NRXN3: variants seen among roughly 807,000 people sequenced by gnomAD.
NRXN3 encodes neurexin 3.
Under a neutral mutation model 137.6 loss-of-function variants are expected in NRXN3, and 32 were observed. That is an observed-to-expected ratio of 0.23 (90% CI 0.18 to 0.31). The LOEUF is 0.31. Ranked by LOEUF, NRXN3 falls within the 10% of genes least tolerant of loss-of-function variation. The probability of loss-of-function intolerance (pLI) is 1.00; values close to 1 mark genes in which losing one functional copy is unlikely to be tolerated. For synonymous variants in NRXN3, 798 were observed against 784.5 expected (o/e 1.02, Z -0.29); for missense variants, 1,574 against 2,062.5 (o/e 0.76, Z 4.59).
chr14:79,817,960 A>T (rs752032467), intron 20 of NRXN3, among the ~76,000 whole-genome samples: 1 of 151,706 alleles, frequency 6.6e-6, no homozygotes, highest in African/African-American at 2.4e-5. Flanking sequence ...ATAAGGAGGA[A>T]TGACTCCAAT....
intron 20 of NRXN3, 58 bp downstream of exon 20, chr14:79,805,248 C>A: frequency 2.5e-6 from 3 of 1,219,848 alleles, no homozygotes; most frequent in Non-Finnish European, 3.6e-6. Context: ...AAAAACAATA[C>A]ATACATATAT....
chr14:78,869,799 A>G (rs894113021), intron 10 of NRXN3, among the ~76,000 whole-genome samples: 9 of 152,184 alleles, frequency 5.9e-5, no homozygotes, highest in Non-Finnish European at 1.2e-4. Flanking sequence ...ACAATTGTTA[A>G]AGCATGGTAG....
At chr14:79,551,038 T>A (rs545332506) in intron 16 of NRXN3, among the ~76,000 whole-genome samples, 1 of 152,298 alleles carries the variant, frequency 6.6e-6, no homozygotes, top group Non-Finnish European at 1.5e-5. Context: ...GCTAAGGCAT[T>A]TATCAACTGG....
At chr14:78,451,493 G>A (rs894850774) in intron 4 of NRXN3, among the ~76,000 whole-genome samples, 3 of 152,178 alleles carry the variant, frequency 2.0e-5, no homozygotes, top group African/African-American at 7.2e-5. Flanking sequence ...GAAATTAAAA[G>A]CAAAAGCAAT....
intron 15 of NRXN3, among the ~76,000 whole-genome samples, chr14:79,382,880 C>G (rs1599489863): frequency 1.3e-5 from 2 of 151,570 alleles, no homozygotes; most frequent in South Asian, 4.2e-4. Context: ...TTTGACTTCC[C>G]TAATAGTTAA....
chr14:79,120,007 T>C (rs2055130446), intron 15 of NRXN3, among the ~76,000 whole-genome samples: 1 of 152,168 alleles, frequency 6.6e-6, no homozygotes, highest in African/African-American at 2.4e-5. Flanking sequence ...TAATATTCTG[T>C]ATATTAACTT....
chr14:78,936,450 T>G (rs1280886306), intron 10 of NRXN3, among the ~76,000 whole-genome samples: 1 of 152,200 alleles, frequency 6.6e-6, no homozygotes, highest in African/African-American at 2.4e-5. Flanking sequence ...ACATATTGTA[T>G]GGTTACATTT....
intron 4 of NRXN3, among the ~76,000 whole-genome samples, chr14:78,531,953 AGTT>A (rs2096467136): frequency 6.6e-6 from 1 of 152,082 alleles, no homozygotes; most frequent in African/African-American, 2.4e-5. Flanking sequence ...AAATATCACC[AGTT>A]TTTTATTTTT....
chr14:78,524,187 A>T (rs2096338138), intron 4 of NRXN3, among the ~76,000 whole-genome samples: 1 of 152,076 alleles, frequency 6.6e-6, no homozygotes, highest in Non-Finnish European at 1.5e-5. Flanking sequence ...CAGAAATCTT[A>T]GTGTATGTTT....
chr14:79,463,223 A>G (rs2096375988), intron 15 of NRXN3, among the ~76,000 whole-genome samples: 1 of 152,212 alleles, frequency 6.6e-6, no homozygotes, highest in Non-Finnish European at 1.5e-5. Context: ...AAAAAATTAT[A>G]TTCCTCATTC....
intron 4 of NRXN3, among the ~76,000 whole-genome samples, chr14:78,302,938 G>A (rs776891750): frequency 2.6e-5 from 4 of 152,120 alleles, no homozygotes; most frequent in Non-Finnish European, 4.4e-5. Context: ...CTCCTAATTG[G>A]TCTTTCTGCC....
intron 3 of NRXN3, among the ~76,000 whole-genome samples, chr14:78,280,604 C>A (rs1596714780): frequency 6.6e-6 from 1 of 152,250 alleles, no homozygotes; most frequent in Admixed American, 6.5e-5. Context: ...GGTCTCCCAG[C>A]CAAGGGGGTG....
intron 16 of NRXN3, among the ~76,000 whole-genome samples, chr14:79,513,084 G>C (rs1196538423): frequency 1.3e-5 from 2 of 152,150 alleles, no homozygotes; most frequent in South Asian, 2.1e-4. Flanking sequence ...GGATTTGCTG[G>C]GTAACCTGGG....
At chr14:78,423,946 A>G (rs1014628620) in intron 4 of NRXN3, among the ~76,000 whole-genome samples, 13 of 152,304 alleles carry the variant, frequency 8.5e-5, no homozygotes, top group Admixed American at 5.2e-4. Context: ...CGTCTGCAAA[A>G]ACTCCAGGCT....
At chr14:78,490,374 G>A (rs1460386721) in intron 4 of NRXN3, among the ~76,000 whole-genome samples, 1 of 152,078 alleles carries the variant, frequency 6.6e-6, no homozygotes, top group Non-Finnish European at 1.5e-5. Context: ...TTACTTCACA[G>A]GTTGGCTTTG....
intron 4 of NRXN3, among the ~76,000 whole-genome samples, chr14:78,523,643 C>CA (rs3036598): frequency 0.082 from 6,366 of 77,632 alleles, 258 homozygotes; most frequent in African/African-American, 0.13. Flanking sequence ...ACTACAAATA[C>CA]AAAAAAAAAA....
At chr14:78,280,830 CA>C (rs2074309149) in intron 3 of NRXN3, among the ~76,000 whole-genome samples, 1 of 152,318 alleles carries the variant, frequency 6.6e-6, no homozygotes, top group South Asian at 2.1e-4. Flanking sequence ...CAGATAACAG[CA>C]ACTATGACCA....
chr14:79,624,374 C>T (rs2098258779), intron 16 of NRXN3, among the ~76,000 whole-genome samples: 2 of 152,064 alleles, frequency 1.3e-5, no homozygotes, highest in South Asian at 4.1e-4. Flanking sequence ...TCTACAGACT[C>T]ATGGTATAGG....
intron 15 of NRXN3, among the ~76,000 whole-genome samples, chr14:79,189,881 G>T (rs1164636587): frequency 1.3e-5 from 2 of 152,160 alleles, no homozygotes; most frequent in African/African-American, 2.4e-5. Context: ...AGATTTGTGT[G>T]TCTATCCAAA....
Sources: allele counts gnomAD v4.1 joint callset (sites outside exome capture counted in the v4.1 genomes callset), GRCh38; gene constraint gnomAD v4.1.1; transcripts MANE v1.5; gene names NCBI Gene and HGNC (gene_info 2026-07-23, HGNC 2026-07-21).